Variants in CCDC66 observed in about 807,000 individuals in gnomAD.
CCDC66 encodes coiled-coil domain containing 66, also known as coiled-coil domain-containing protein 66.
CCDC66 carries 133 observed loss-of-function variants against 128.3 expected under a neutral mutation model. The ratio of observed to expected loss-of-function variants is 1.04; its 90% CI spans 0.90 to 1.20. The LOEUF is 1.20. Ranked by LOEUF, CCDC66 falls within the 50% of genes most tolerant of loss-of-function variation. The probability of loss-of-function intolerance (pLI) is 0.00; values close to 1 mark genes in which losing one functional copy is unlikely to be tolerated. For synonymous variants in CCDC66, 387 were observed against 357.0 expected, an observed-to-expected ratio of 1.08 and a Z score of -0.95; for missense variants, 1,126 against 1,075.5, an observed-to-expected ratio of 1.05 and a Z score of -0.66.
chr3:56,564,316 A>G (rs1306008578), intron 4 of CCDC66, among the ~76,000 whole-genome samples, 191 bp downstream of exon 4: 1 of 152,154 alleles, frequency 6.6e-6, no homozygotes, highest in Non-Finnish European at 1.5e-5. Context: ...CCATATTTTA[A>G]GGTTAGTGTT....
At chr3:56,596,745 T>C (rs2072010342) in intron 10 of CCDC66, among the ~76,000 whole-genome samples, 1 of 146,698 alleles carries the variant, frequency 6.8e-6, no homozygotes, top group Non-Finnish European at 1.5e-5. Flanking sequence ...TTTAACTATT[T>C]AATCCATCTT....
chr3:56,603,799 G>C (rs1360197789), intron 10 of CCDC66, among the ~76,000 whole-genome samples: 1 of 151,936 alleles, frequency 6.6e-6, no homozygotes, highest in Non-Finnish European at 1.5e-5. Context: ...ATGTCTATTA[G>C]GTCTGCTTGG....
chr3:56,585,616 ACTT>A (rs1256650290), intron 7 of CCDC66, among the ~76,000 whole-genome samples: 2 of 151,884 alleles, frequency 1.3e-5, no homozygotes, highest in Non-Finnish European at 2.9e-5. Flanking sequence ...ATAAGGATAT[ACTT>A]CTTCAAGCAT....
intron 17 of CCDC66, 133 bp downstream of exon 17, chr3:56,620,034 T>A: frequency 1.1e-6 from 1 of 927,370 alleles, no homozygotes; most frequent in Non-Finnish European, 1.6e-6. Context: ...AGTTCCTGTA[T>A]GTTTGTTAGA....
intron 10 of CCDC66, among the ~76,000 whole-genome samples, chr3:56,602,769 T>C (rs1272475306): frequency 6.6e-6 from 1 of 151,570 alleles, no homozygotes; most frequent in East Asian, 1.9e-4. Flanking sequence ...TGTGTAGAGG[T>C]GTTTATAGTA....
intron 10 of CCDC66, among the ~76,000 whole-genome samples, chr3:56,609,641 GTTTT>G (rs1382573003): frequency 6.6e-6 from 1 of 152,034 alleles, no homozygotes; most frequent in Non-Finnish European, 1.5e-5. Context: ...CTTTGGATTT[GTTTT>G]TTGTTTTTGT....
intron 17 of CCDC66, chr3:56,620,579 T>TTGAC (rs2076317619): frequency 6.6e-6 from 1 of 152,234 alleles, no homozygotes; most frequent in African/African-American, 2.4e-5. Context: ...TTTCAAAATG[T>TTGAC]TGACTCAGAT....
chr3:56,588,849 T>C (rs1024714110), intron 7 of CCDC66, among the ~76,000 whole-genome samples: 7 of 152,220 alleles, frequency 4.6e-5, no homozygotes, highest in African/African-American at 1.4e-4. Flanking sequence ...AAATATTACA[T>C]ATCAAAATGT....
At position 56,617,620 on chromosome 3, in the gene CCDC66, T is replaced by C. The variant is rs770251538; in HGVS notation, c.2337+15T>C. On this transcript the variant is annotated intron_variant, in intron 14 of 17. Coordinates refer to ENST00000394672, the MANE Select transcript of CCDC66 (RefSeq NM_001141947.3). ...TAGTCAAAAAGGTAAAGCTCTTCCATCTTAGATGATGTGTTGACGTTTCTG... is the reference window on the plus strand; with the variant it reads ...TAGTCAAAAAGGTAAAGCTCTTCCACCTTAGATGATGTGTTGACGTTTCTG... 3.1e-5 allele frequency: 49 copies of C among 1,577,678 alleles called. 1 individual carries two copies. The South Asian group carries it at 4.1e-4, about 13-fold the overall frequency.
At chr3:56,584,692 C>T (rs866174695) in intron 7 of CCDC66, among the ~76,000 whole-genome samples, 8 of 151,858 alleles carry the variant, frequency 5.3e-5, no homozygotes, top group African/African-American at 1.7e-4. Context: ...GGCAGGGTGG[C>T]GGCCGGGCAG....
rs1014254213 is a variant in CCDC66 at position 56,576,228 on chromosome 3, T to C, written c.936+4926T>C. 4.6e-5 allele frequency among the ~76,000 whole-genome samples: 7 copies of C among 151,606 alleles called. No homozygotes were observed. In the East Asian group the frequency reaches 7.9e-4, roughly 17 times the overall value. On this transcript the variant is annotated intron_variant, in intron 7 of 17. Transcript: ENST00000394672. ...TTCAGCAATGTTTTGTAGTTTTCAG[T>C]GTACAAGTCTTACTCCTCCTTGGTT...
intron 7 of CCDC66, among the ~76,000 whole-genome samples, chr3:56,585,402 A>G (rs1418817115): frequency 6.6e-6 from 1 of 151,862 alleles, no homozygotes. Flanking sequence ...AAGTTTCAAA[A>G]GAGATGAAAA....
intron 3 of CCDC66, among the ~76,000 whole-genome samples, chr3:56,560,296 A>T (rs959478207): frequency 6.6e-6 from 1 of 152,168 alleles, no homozygotes; most frequent in Non-Finnish European, 1.5e-5. Context: ...GTAGTGGCAT[A>T]ATCATGGCTG....
At chr3:56,576,610 A>C (rs147542831) in intron 7 of CCDC66, among the ~76,000 whole-genome samples, 1 of 137,440 alleles carries the variant, frequency 7.3e-6, no homozygotes, top group Non-Finnish European at 1.5e-5. Context: ...CCTGTGTCCA[A>C]GTGTTCTCAT....
In CCDC66 at chr3:56,563,977, A is replaced by G. The variant is rs571760462; in HGVS notation, c.396A>G (p.Lys132=). The part of the protein sequence containing the change: ...RNTVNTSLVG[K]QKPHKKHITA... ...CCGTAAATACATCTCTAGTAGGTAA[A>G]CAGAAGCCTCACAAAAAACACATCA... Residue 132 remains lysine (K), a synonymous_variant, in exon 4 of 18, where the codon AAA becomes AAG. Transcript: ENST00000394672. 2.5e-6 allele frequency: 4 copies of G among 1,614,034 alleles called. No individual in the cohort carries two copies. The highest frequency in any genetic ancestry group is 3.4e-6 in the Non-Finnish European group (4 of 1,179,966).
chr3:56,589,126 C>G (rs537258924), intron 7 of CCDC66, among the ~76,000 whole-genome samples: 53 of 152,108 alleles, frequency 3.5e-4, no homozygotes, highest in African/African-American at 1.0e-3. Flanking sequence ...GAGATATTAC[C>G]AGAGAATATG....
At chr3:56,596,720 T>C (rs2107015732) in intron 10 of CCDC66, among the ~76,000 whole-genome samples, 1 of 151,736 alleles carries the variant, frequency 6.6e-6, no homozygotes, top group Non-Finnish European at 1.5e-5. Context: ...TAGGTTTACA[T>C]TTTTGGGTCA....
Position 56,557,267 on chromosome 3 carries a change from A to AGCAGGGGTAC in CCDC66, c.11+16_11+17insAGGGGTACGC, listed in dbSNP as rs1190789941. 3 of 1,547,636 alleles carry AGCAGGGGTAC rather than the reference A, an allele frequency of 1.9e-6. No individual in the cohort carries two copies. In the Admixed American group the frequency reaches 5.9e-5, roughly 30 times the overall value. On this transcript the variant is annotated intron_variant, in intron 1 of 17. Coordinates refer to ENST00000394672, the MANE Select transcript of CCDC66 (RefSeq NM_001141947.3). ...CATGAACTTGGGGTAAGCAGGGGTA[A>AGCAGGGGTAC]GCTGGGGTAAGCTGGGGTAAGCAAG...
chr3:56,563,749 AAC>A lies in CCDC66; in HGVS notation c.172_173del (p.Gln58ArgfsTer7). ...CAAAAACTGGGCACATTCTAAAATC[AAC>A]ACAAGATACTTGTATTGGGAGTGAA... Reference protein sequence around the residue: ...RTKTGHILKSTQDTCIGSEKL... With the variant: ...RTKTGHILKSXQDTCIGSEKL... On this transcript the variant is annotated frameshift_variant, in exon 4 of 18. Coordinates refer to ENST00000394672, the MANE Select transcript of CCDC66 (RefSeq NM_001141947.3). LOFTEE classifies it high-confidence loss of function. 6.4e-7 allele frequency: 1 copy of A among 1,551,800 alleles called. No homozygotes were observed. Among genetic ancestry groups the A allele is most frequent in the Non-Finnish European group, 8.7e-7 (1 of 1,146,980 alleles).
Sources: allele counts gnomAD v4.1 joint callset (sites outside exome capture counted in the v4.1 genomes callset), GRCh38; gene constraint gnomAD v4.1.1; transcripts MANE v1.5; gene names NCBI Gene and HGNC (gene_info 2026-07-23, HGNC 2026-07-21).